Variants in POLE2 observed in about 807,000 individuals in gnomAD.
POLE2 encodes DNA polymerase epsilon subunit 2.
In POLE2, 56 loss-of-function variants were observed where a neutral mutation model predicts 79.4. The ratio of observed to expected loss-of-function variants is 0.71; its 90% CI spans 0.57 to 0.88. The LOEUF is 0.88. Ranked by LOEUF, POLE2 falls within the 40% of genes least tolerant of loss-of-function variation. The pLI is 0.00. For synonymous variants in POLE2, 212 were observed against 214.0 expected, an observed-to-expected ratio of 0.99 and a Z score of 0.08; for missense variants, 598 against 638.9, an observed-to-expected ratio of 0.94 and a Z score of 0.69.
intron 1 of POLE2, among the ~76,000 whole-genome samples, chr14:49,686,588 GT>G (rs1252468041): frequency 6.6e-6 from 1 of 152,194 alleles, no homozygotes; most frequent in Admixed American, 6.5e-5. Flanking sequence ...AATGTGTACT[GT>G]TTTAGCCTTT....
chr14:49,677,669 G>T, intron 3 of POLE2: 1 of 893,090 alleles, frequency 1.1e-6, no homozygotes, highest in Non-Finnish European at 1.7e-6. Flanking sequence ...AATGTTTGGG[G>T]AAGGCCCTTA....
chr14:49,662,106 C>T lies in POLE2; in HGVS notation c.755+1209G>A, dbSNP rs569796451. 1.1e-3 allele frequency among the ~76,000 whole-genome samples: 173 copies of T among 152,300 alleles called. 1 individual carries two copies. Among genetic ancestry groups the T allele is most frequent in the African/African-American group, 4.1e-3 (172 of 41,560 alleles). ...CATATTGGAAAAAAGCCACAAACTG[C>T]ACCAAAAGCACTCAAATAGAGGTGA... On this transcript the variant is annotated intron_variant, in intron 10 of 18. Transcript: ENST00000216367.
intron 3 of POLE2, chr14:49,677,537 C>T (rs142576495): frequency 3.7e-5 from 18 of 482,132 alleles, no homozygotes; most frequent in Middle Eastern, 4.5e-4. Context: ...CTGACCCTGC[C>T]GGACTAGGCG....
At chr14:49,645,073 G>C (rs75694179) in intron 18 of POLE2, among the ~76,000 whole-genome samples, 324 of 121,498 alleles carry the variant, frequency 2.7e-3, no homozygotes, top group African/African-American at 8.7e-3. Flanking sequence ...GCAGTAAAAA[G>C]CCAGCTGTAC....
At chr14:49,654,439 T>G (rs924988997) in intron 13 of POLE2, 3 of 490,858 alleles carry the variant, frequency 6.1e-6, no homozygotes, top group Non-Finnish European at 1.1e-5. Context: ...GAATTGTGGC[T>G]AGCATAGCTG....
intron 15 of POLE2, among the ~76,000 whole-genome samples, chr14:49,653,026 T>C (rs1884389158): frequency 2.0e-5 from 3 of 152,144 alleles, no homozygotes; most frequent in Non-Finnish European, 4.4e-5. Context: ...CCCAAAGTGT[T>C]TGGCCTGAAC....
chr14:49,647,479 A>AC, intron 17 of POLE2, 119 bp from the exon 18 acceptor site: 1 of 304,952 alleles, frequency 3.3e-6, no homozygotes, highest in Non-Finnish European at 5.9e-6. Context: ...TTTTTTTGAG[A>AC]CATGGTCTCA....
chr14:49,651,532 G>A, intron 15 of POLE2, 155 bp from the exon 16 acceptor site: 1 of 480,142 alleles, frequency 2.1e-6, no homozygotes, highest in Non-Finnish European at 3.7e-6. Context: ...TCATTTAACA[G>A]CTATGTATTG....
chr14:49,665,666 G>GT (rs1473790166), intron 7 of POLE2, among the ~76,000 whole-genome samples: 1 of 134,654 alleles, frequency 7.4e-6, no homozygotes, highest in African/African-American at 2.7e-5. Flanking sequence ...AAAGGTTTTT[G>GT]TTTTTTCTGG....
chr14:49,647,415 A>T (rs963219233), intron 17 of POLE2, 55 bp from the exon 18 acceptor site: 11 of 759,516 alleles, frequency 1.4e-5, no homozygotes, highest in African/African-American at 1.1e-4. Context: ...TTTAAAATAA[A>T]TTTTTTTAAA....
intron 10 of POLE2, among the ~76,000 whole-genome samples, chr14:49,658,751 A>G (rs1176925503): frequency 6.6e-6 from 1 of 152,260 alleles, no homozygotes; most frequent in Non-Finnish European, 1.5e-5. Flanking sequence ...GGTGTATACA[A>G]CCTACTGAGC....
intron 10 of POLE2, among the ~76,000 whole-genome samples, chr14:49,661,562 T>C (rs1438674925): frequency 6.6e-6 from 1 of 152,190 alleles, no homozygotes; most frequent in Non-Finnish European, 1.5e-5. Context: ...AAAAAAAAAT[T>C]ATTTGCATTA....
intron 2 of POLE2, among the ~76,000 whole-genome samples, chr14:49,681,134 G>T (rs1001740180): frequency 2.0e-5 from 3 of 152,142 alleles, no homozygotes; most frequent in African/African-American, 7.2e-5. Context: ...AGTGGACAGT[G>T]AGCCATACCC....
intron 10 of POLE2, among the ~76,000 whole-genome samples, chr14:49,657,114 A>G (rs1884743237): frequency 7.1e-6 from 1 of 140,910 alleles, no homozygotes; most frequent in South Asian, 2.1e-4. Flanking sequence ...TTTTGCCTCA[A>G]AAAAAAAAAA....
chr14:49,658,103 G>C (rs1479046682), intron 10 of POLE2, among the ~76,000 whole-genome samples: 1 of 150,428 alleles, frequency 6.6e-6, no homozygotes. Flanking sequence ...TTGAGACAGA[G>C]TCTCGCTCTG....
intron 18 of POLE2, among the ~76,000 whole-genome samples, chr14:49,645,043 C>CAAAAAAAAAAAAA (rs527251561): frequency 9.1e-4 from 80 of 88,310 alleles, no homozygotes; most frequent in African/African-American, 2.1e-3. Context: ...CTCCGTCTCA[C>CAAAAAAAAAAAAA]AAAAAAAAAA....
At chr14:49,648,157 T>A (rs1883923723) in intron 17 of POLE2, among the ~76,000 whole-genome samples, 1 of 152,236 alleles carries the variant, frequency 6.6e-6, no homozygotes, top group African/African-American at 2.4e-5. Flanking sequence ...CACATACAAT[T>A]GTTTGTCTAC....
chr14:49,654,291 CT>C (rs1884489352), intron 13 of POLE2, 77 bp from the exon 14 acceptor site: 1 of 936,558 alleles, frequency 1.1e-6, no homozygotes, highest in Non-Finnish European at 1.6e-6. Context: ...AAGTTATTCC[CT>C]TTGTTTTCTC....
rs374223196 is a variant in POLE2 at position 49,654,209 on chromosome 14, C to T, written c.1079G>A (p.Arg360His). The T allele has an allele frequency of 2.2e-5, 35 of 1,605,572 alleles. 1 individual carries two copies. The African/African-American group carries it at 2.9e-4, about 14-fold the overall frequency. The change falls in exon 14 of 19, where the codon CGT becomes CAT. Residue 360 changes from arginine to histidine, a missense_variant. Transcript: ENST00000216367. The stretch of plus-strand genomic sequence containing the variant: ...CTCTGGACCAGGTACAAACACAAAA[C>T]GACTACTGTAGCAAAATTCAACACA... The part of the protein sequence containing the change: ...CEYPDIHQSS[R>H]FVFVPGPEDP...
Sources: allele counts gnomAD v4.1 joint callset (sites outside exome capture counted in the v4.1 genomes callset), GRCh38; gene constraint gnomAD v4.1.1; transcripts MANE v1.5; gene names NCBI Gene and HGNC (gene_info 2026-07-23, HGNC 2026-07-21).